The following DMD variants were observed in gnomAD, a reference collection of about 807,000 sequenced individuals.
DMD encodes the protein mutant dystrophin.
DMD carries 63 observed loss-of-function variants against 330.1 expected under a neutral mutation model. The ratio of observed to expected loss-of-function variants is 0.19; its 90% CI spans 0.16 to 0.24. DMD has a LOEUF of 0.24. DMD is among the 10% of genes least tolerant of loss of function. DMD has a pLI of 1.00. For synonymous variants in DMD, 1,223 were observed against 959.8 expected (o/e 1.27, Z -5.07); for missense variants, 3,344 against 2,684.1 (o/e 1.25, Z -5.43).
intron 2 of DMD, among the ~76,000 whole-genome samples, chrX:32,917,001 G>C (rs2087870889): frequency 9.0e-6 from 1 of 111,493 alleles, no homozygotes; most frequent in Admixed American, 9.6e-5. Flanking sequence ...CTTTGGCTCT[G>C]TGTCCCCACC....
At chrX:32,370,703 G>T (rs186286495) in intron 34 of DMD, among the ~76,000 whole-genome samples, 2 of 110,272 alleles carry the variant, frequency 1.8e-5, no homozygotes, top group East Asian at 5.7e-4. Context: ...AAAAAGATAC[G>T]TAATTTTTCA....
rs779848696 is a variant in DMD at position 31,132,104 on chromosome X, TC to T, written c.11014+1997del. On this transcript the variant is annotated intron_variant, in intron 77 of 78. Coordinates refer to ENST00000357033, the MANE Select transcript of DMD (RefSeq NM_004006.3). ...ATTGGTATCGGACAAGGCTTCCTTCTCCCACATTTGAGAACTTAAATCAGCC... is the reference window on the plus strand; with the variant it reads ...ATTGGTATCGGACAAGGCTTCCTTCTCCACATTTGAGAACTTAAATCAGCC... Among the ~76,000 whole-genome samples the T allele has an allele frequency of 2.7e-5, 3 of 112,206 alleles. No individual in the cohort carries two copies. The South Asian group carries it at 1.1e-3, about 42-fold the overall frequency.
intron 2 of DMD, among the ~76,000 whole-genome samples, chrX:32,895,114 A>T (rs891397289): frequency 8.9e-6 from 1 of 111,958 alleles, no homozygotes; most frequent in Admixed American, 9.5e-5. Context: ...CCACCGGATC[A>T]GAGCCCCACC....
intron 37 of DMD, among the ~76,000 whole-genome samples, chrX:32,354,718 T>C (rs1418722275): frequency 2.7e-5 from 3 of 111,459 alleles, no homozygotes; most frequent in Non-Finnish European, 5.7e-5. Flanking sequence ...GCTTTGATAA[T>C]AAAAATGTGA....
intron 2 of DMD, among the ~76,000 whole-genome samples, chrX:32,928,254 A>G (rs2089260380): frequency 9.1e-6 from 1 of 110,129 alleles, no homozygotes; most frequent in Non-Finnish European, 1.9e-5. Flanking sequence ...AATGTCATCT[A>G]GAAGCTTTTT....
At chrX:31,137,655 GCAAA>G (rs1034889183) in intron 76 of DMD, among the ~76,000 whole-genome samples, 1 of 110,107 alleles carries the variant, frequency 9.1e-6, no homozygotes, top group Non-Finnish European at 1.9e-5. Flanking sequence ...ATAGCAATAA[GCAAA>G]CAAACCCCAC....
chrX:33,087,358 T>C (rs1398757104), intron 1 of DMD, among the ~76,000 whole-genome samples: 1 of 112,468 alleles, frequency 8.9e-6, no homozygotes, highest in East Asian at 2.8e-4. Flanking sequence ...AGCAAGTAAA[T>C]ATCTAGCATT....
intron 1 of DMD, among the ~76,000 whole-genome samples, chrX:33,056,099 T>G (rs995945895): frequency 9.1e-6 from 1 of 110,477 alleles, no homozygotes; most frequent in South Asian, 3.9e-4. Context: ...AACCACAGCT[T>G]TAGCACATAG....
intron 44 of DMD, among the ~76,000 whole-genome samples, chrX:32,176,287 C>T (rs2096906271): frequency 8.9e-6 from 1 of 112,143 alleles, no homozygotes; most frequent in Non-Finnish European, 1.9e-5. Flanking sequence ...ACTAAAATTA[C>T]AGTTTCATGA....
intron 62 of DMD, among the ~76,000 whole-genome samples, chrX:31,313,456 CA>C (rs1014752721): frequency 1.8e-5 from 2 of 111,830 alleles, no homozygotes; most frequent in Non-Finnish European, 3.8e-5. Context: ...AGTTTTCAAT[CA>C]AAAACATTAG....
chrX:31,932,748 ATACATACATACATACGTACG>A (rs1177508019), intron 45 of DMD, among the ~76,000 whole-genome samples: 1 of 110,752 alleles, frequency 9.0e-6, no homozygotes, highest in African/African-American at 3.3e-5. Context: ...TCCATCTCAA[ATACATACATACATACGTACG>A]TACATACATA....
At chrX:31,684,444 T>C (rs1167614960) in intron 52 of DMD, among the ~76,000 whole-genome samples, 1 of 111,792 alleles carries the variant, frequency 8.9e-6, no homozygotes, top group East Asian at 2.8e-4. Context: ...ATTTTTCCAT[T>C]TGTGCAGTTT....
intron 44 of DMD, among the ~76,000 whole-genome samples, chrX:31,972,001 GA>G (rs1352898725): frequency 9.0e-6 from 1 of 111,495 alleles, no homozygotes; most frequent in Admixed American, 9.5e-5. Flanking sequence ...TTCTTAATAA[GA>G]AGTGCATATC....
chrX:33,076,138 A>G (rs898802825), intron 1 of DMD, among the ~76,000 whole-genome samples: 1 of 110,967 alleles, frequency 9.0e-6, no homozygotes, highest in Non-Finnish European at 1.9e-5. Context: ...CCCCCCACTC[A>G]GGAACTGACT....
rs2148804367 is a variant in DMD, at chrX:32,518,068, A to G, written c.2232T>C (p.Ser744=). The part of the protein sequence containing the change: ...WITRSEAVLQ[S]PEFAIFRKEG... The stretch of plus-strand genomic sequence containing the variant: ...CCTTCCGAAAGATTGCAAATTCAGG[A>G]CTCTGCAACACAGCTTCTGAGCGAG... The change falls in exon 18 of 79, where the codon AGT becomes AGC. Residue 744 remains serine, a synonymous_variant. Coordinates refer to ENST00000357033, the MANE Select transcript of DMD (RefSeq NM_004006.3). 8.3e-7 allele frequency: 1 copy of G among 1,209,124 alleles called. No homozygotes were observed. The highest frequency in any genetic ancestry group is 1.1e-6 in the Non-Finnish European group (1 of 893,302).
chrX:31,306,513 A>G (rs1413201108), intron 62 of DMD, among the ~76,000 whole-genome samples: 2 of 111,999 alleles, frequency 1.8e-5, no homozygotes, highest in Non-Finnish European at 3.8e-5. Flanking sequence ...TTCCTTAGGT[A>G]TATTATTACT....
intron 2 of DMD, among the ~76,000 whole-genome samples, chrX:32,858,343 T>A (rs2081769189): frequency 8.9e-6 from 1 of 112,279 alleles, no homozygotes; most frequent in Non-Finnish European, 1.9e-5. Flanking sequence ...TTATCATTTA[T>A]TTTTTGAGAC....
rs1038339686 is a variant in DMD at position 32,595,154 on chromosome X, C to T, written c.1602+603G>A. On this transcript the variant is annotated intron_variant, in intron 13 of 78. Coordinates refer to ENST00000357033, the MANE Select transcript of DMD (RefSeq NM_004006.3). Reference sequence around the variant, plus strand: ...TGGACAAATGCAGATAGAGTTTAAGCAAATTAGGGATAATCAGTACATTTA... The same window carrying T: ...TGGACAAATGCAGATAGAGTTTAAGTAAATTAGGGATAATCAGTACATTTA... 1.1e-4 allele frequency among the ~76,000 whole-genome samples: 12 copies of T among 111,348 alleles called. No homozygotes were observed. In the East Asian group the frequency reaches 3.4e-3, roughly 31 times the overall value.
At chrX:32,487,743 C>A (rs980352721) in intron 20 of DMD, among the ~76,000 whole-genome samples, 3 of 110,573 alleles carry the variant, frequency 2.7e-5, no homozygotes, top group East Asian at 2.8e-4. Context: ...TAATCTCTGA[C>A]GATTCAATCG....
Sources: allele counts gnomAD v4.1 joint callset (sites outside exome capture counted in the v4.1 genomes callset), GRCh38; gene constraint gnomAD v4.1.1; transcripts MANE v1.5; gene names NCBI Gene and HGNC (gene_info 2026-07-23, HGNC 2026-07-21).